Variants in OTOGL observed in about 807,000 individuals in gnomAD.
The protein encoded by OTOGL is otogelin-like protein.
OTOGL carries 285 observed loss-of-function variants against 318.5 expected under a neutral mutation model. The ratio of observed to expected loss-of-function variants is 0.89; its 90% CI spans 0.81 to 0.99. OTOGL has a LOEUF of 0.99. Among genes scored for constraint, OTOGL ranks in the 50% least tolerant of loss-of-function variants. OTOGL has a pLI of 0.00. For synonymous variants in OTOGL, 987 were observed against 936.5 expected (o/e 1.05, Z -0.99); for missense variants, 2,899 against 2,845.6 (o/e 1.02, Z -0.43).
chr12:80,296,259 G>A (rs974244915), intron 26 of OTOGL, among the ~76,000 whole-genome samples: 4 of 152,170 alleles, frequency 2.6e-5, no homozygotes, highest in African/African-American at 4.8e-5. Context: ...CTTAATCTCA[G>A]TTTCCTCATC....
At chr12:80,249,911 G>C (rs940699116) in intron 11 of OTOGL, among the ~76,000 whole-genome samples, 4 of 152,128 alleles carry the variant, frequency 2.6e-5, no homozygotes. Flanking sequence ...ATATTCGGGT[G>C]GGAGTGACCC....
At chr12:80,289,691 A>G (rs1378019062) in intron 26 of OTOGL, among the ~76,000 whole-genome samples, 1 of 152,128 alleles carries the variant, frequency 6.6e-6, no homozygotes, top group Non-Finnish European at 1.5e-5. Context: ...CTTCTTTAAC[A>G]CTGTGAGGGG....
chr12:80,304,114 T>C (rs1368336109), intron 28 of OTOGL, among the ~76,000 whole-genome samples: 2 of 152,216 alleles, frequency 1.3e-5, no homozygotes, highest in African/African-American at 2.4e-5. Flanking sequence ...TTCTTTGACT[T>C]GGCAAAGTAT....
intron 11 of OTOGL, among the ~76,000 whole-genome samples, chr12:80,240,228 T>G (rs1260869450): frequency 2.6e-5 from 4 of 152,098 alleles, no homozygotes; most frequent in East Asian, 1.9e-4. Flanking sequence ...TTTTGTTTTT[T>G]GGGGGATATA....
At chr12:80,274,503 A>C (rs1334040370) in intron 24 of OTOGL, among the ~76,000 whole-genome samples, 1 of 152,086 alleles carries the variant, frequency 6.6e-6, no homozygotes, top group Non-Finnish European at 1.5e-5. Context: ...GAGTTTAAGA[A>C]AAGAAACTAT....
chr12:80,228,176 C>T (rs1224716942), intron 7 of OTOGL, among the ~76,000 whole-genome samples: 1 of 152,158 alleles, frequency 6.6e-6, no homozygotes. Flanking sequence ...CGTAGTGACT[C>T]ACACCTGTAA....
At position 80,317,639 on chromosome 12, in the gene OTOGL, T is replaced by A. The variant is rs139446055; in HGVS notation, c.3635-907T>A. On this transcript the variant is annotated intron_variant, in intron 32 of 58. Coordinates refer to ENST00000547103, the MANE Select transcript of OTOGL (RefSeq NM_001378609.3). ...TCACATATTTGTACAAATCTACATA[T>A]TTATACTTTGAAGTATATTTGCATC... is the stretch of plus-strand genomic sequence containing the variant. Among the ~76,000 whole-genome samples, 381 of 152,314 alleles carry A rather than the reference T, an allele frequency of 2.5e-3. 2 individuals carry two copies. Among genetic ancestry groups the A allele is most frequent in the Non-Finnish European group, 4.0e-3 (270 of 68,012 alleles).
intron 11 of OTOGL, among the ~76,000 whole-genome samples, chr12:80,244,677 T>A (rs1329320780): frequency 6.7e-6 from 1 of 149,880 alleles, no homozygotes; most frequent in Non-Finnish European, 1.5e-5. Flanking sequence ...TTTGGGTATA[T>A]ACCCAGTAAT....
chr12:80,239,408 T>C lies in OTOGL; in HGVS notation c.1021T>C (p.Tyr341His), dbSNP rs573760702. 91 of 1,604,902 alleles carry C rather than the reference T, an allele frequency of 5.7e-5. No individual in the cohort carries two copies. The highest frequency in any genetic ancestry group is 1.7e-4 in the Middle Eastern group (1 of 6,056). ...CCATGAGTATATCGATCCATACTTA[T>C]ATATTGCCAGCTGTGTTAATGATCT... ...SCHEYIDPYL[Y>H]IASCVNDLCK... Residue 341 changes from tyrosine to histidine, a missense_variant, in exon 11 of 59, where the codon TAT (tyrosine) becomes CAT (histidine). Tyr to His is a moderately conservative substitution (Grantham distance 83). This residue lies in a region of OTOGL where 2,607 missense variants were observed against 2,524.9 expected (regional missense o/e 1.03). Transcript: ENST00000547103.
chr12:80,127,249 T>C (rs1162065495), intron 1 of OTOGL, among the ~76,000 whole-genome samples: 2 of 152,188 alleles, frequency 1.3e-5, no homozygotes, highest in Non-Finnish European at 2.9e-5. Context: ...GGTGACAAAA[T>C]CTCTCAACAT....
intron 1 of OTOGL, chr12:80,189,545 A>G (rs1875531182): frequency 1.2e-6 from 1 of 834,918 alleles, no homozygotes; most frequent in African/African-American, 1.9e-5. Context: ...AATTTCTAGG[A>G]AGCTTCTGAA....
intron 1 of OTOGL, among the ~76,000 whole-genome samples, chr12:80,108,856 A>ATATG (rs1869639517): frequency 7.2e-6 from 1 of 139,772 alleles, no homozygotes; most frequent in Non-Finnish European, 1.5e-5. Context: ...GTGTATATAT[A>ATATG]TGTGTATATA....
intron 35 of OTOGL, among the ~76,000 whole-genome samples, chr12:80,325,185 C>T (rs894601685): frequency 6.6e-6 from 1 of 151,954 alleles, no homozygotes; most frequent in Non-Finnish European, 1.5e-5. Flanking sequence ...TCCAGCCCCT[C>T]TGTAAGATCC....
intron 4 of OTOGL, among the ~76,000 whole-genome samples, chr12:80,215,166 CTT>C (rs34875604): frequency 3.3e-4 from 43 of 128,974 alleles, no homozygotes; most frequent in African/African-American, 2.3e-4. Context: ...GTTTACAAGT[CTT>C]TTTTTTTTTT....
At chr12:80,285,290 A>G (rs931964253) in intron 26 of OTOGL, among the ~76,000 whole-genome samples, 10 of 152,084 alleles carry the variant, frequency 6.6e-5, no homozygotes, top group Non-Finnish European at 1.0e-4. Context: ...GCCTTGTAGT[A>G]TAGTTTGCAG....
chr12:80,343,095 C>G (rs185576932), intron 44 of OTOGL, among the ~76,000 whole-genome samples: 6 of 152,108 alleles, frequency 3.9e-5, no homozygotes, highest in Non-Finnish European at 8.8e-5. Flanking sequence ...AGGATGGTCT[C>G]GATCTCCTGA....
intron 6 of OTOGL, among the ~76,000 whole-genome samples, chr12:80,220,406 A>G (rs1282370989): frequency 1.3e-5 from 2 of 152,056 alleles, no homozygotes; most frequent in African/African-American, 4.8e-5. Flanking sequence ...TGATCCTCCC[A>G]TCTTGACCTC....
intron 1 of OTOGL, among the ~76,000 whole-genome samples, chr12:80,171,101 A>G (rs1184976508): frequency 2.6e-5 from 4 of 151,712 alleles, no homozygotes. Context: ...TTGAGTCAGA[A>G]TCTCATCCTG....
chr12:80,220,938 T>G (rs1043985050), intron 6 of OTOGL, among the ~76,000 whole-genome samples: 1 of 152,144 alleles, frequency 6.6e-6, no homozygotes, highest in African/African-American at 2.4e-5. Context: ...ATTCTATGTT[T>G]TTTCCTGAAA....
Sources: allele counts gnomAD v4.1 joint callset (sites outside exome capture counted in the v4.1 genomes callset), GRCh38; gene constraint gnomAD v4.1.1; regional missense constraint gnomAD v4.1.1; transcripts MANE v1.5; gene names NCBI Gene and HGNC (gene_info 2026-07-23, HGNC 2026-07-21).